The following LRRC4B variants were observed in gnomAD, a reference collection of about 807,000 sequenced individuals.
The protein encoded by LRRC4B is leucine-rich repeat-containing protein 4B.
In LRRC4B, 1 loss-of-function variant was observed where a neutral mutation model predicts 7.3. The ratio of observed to expected loss-of-function variants is 0.14; its 90% CI spans 0.05 to 0.65. LRRC4B has a LOEUF of 0.65. Ranked by LOEUF, LRRC4B falls within the 30% of genes least tolerant of loss-of-function variation. LRRC4B has a pLI of 0.84. For missense variants in LRRC4B, 730 were observed against 1,041.6 expected (o/e 0.70, Z 4.12); for synonymous variants, 500 against 499.2 (o/e 1.00, Z -0.02).
At position 50,527,827 on chromosome 19, in the gene LRRC4B, C is replaced by A. The variant is rs775422264; in HGVS notation, c.298-8412G>T. Among the ~76,000 whole-genome samples the A allele has an allele frequency of 3.3e-5, 5 of 151,218 alleles. No individual in the cohort carries two copies. The East Asian group carries it at 9.8e-4, about 30-fold the overall frequency. ...CACGATCTCAGCTCACTGCAAGCTC[C>A]GCCTTCTGGGTTCAAATGATTTTCC... On this transcript the variant is annotated intron_variant, in intron 2 of 2. Coordinates refer to ENST00000652263, the MANE Select transcript of LRRC4B (RefSeq NM_001080457.2).
chr19:50,517,372 G>T lies in LRRC4B; in HGVS notation c.*199C>A. ...GCGGGGGTGAGGCGAGGATCCCAGAGACTCCGCTCCTGGAGCCCCACCCTG... is the reference window on the plus strand; with the variant it reads ...GCGGGGGTGAGGCGAGGATCCCAGATACTCCGCTCCTGGAGCCCCACCCTG... On this transcript the variant is annotated 3_prime_UTR_variant, in exon 3 of 3. Transcript: ENST00000652263. The surrounding 1 kb of genome is among the most constrained non-coding windows in gnomAD (Gnocchi z 6.6). 1 of 417,190 alleles carries T rather than the reference G, an allele frequency of 2.4e-6. No homozygotes were observed. Among genetic ancestry groups the T allele is most frequent in the Non-Finnish European group, 4.1e-6 (1 of 244,986 alleles). The allele number at this position is 417,190 out of a possible 1,614,324, so 25.8% of individuals were successfully genotyped here. A position where few individuals can be genotyped will look rare whatever the true frequency, so the allele number is the denominator to read the frequency against.
intron 2 of LRRC4B, among the ~76,000 whole-genome samples, chr19:50,538,350 A>G (rs756340026): frequency 1.3e-5 from 2 of 152,156 alleles, no homozygotes; most frequent in Non-Finnish European, 2.9e-5. Flanking sequence ...GGCGCGAGCC[A>G]CCGCGCCCGG....
chr19:50,525,313 G>T (rs559751366), intron 2 of LRRC4B, among the ~76,000 whole-genome samples: 1 of 151,926 alleles, frequency 6.6e-6, no homozygotes, highest in Non-Finnish European at 1.5e-5. Context: ...CATTGTTATC[G>T]TTATCGTTGG....
intron 2 of LRRC4B, among the ~76,000 whole-genome samples, chr19:50,541,258 G>A (rs1448548873): frequency 6.6e-6 from 1 of 151,316 alleles, no homozygotes; most frequent in South Asian, 2.1e-4. Context: ...CCAGCTACTC[G>A]GGAGGCTGAG....
chr19:50,540,371 AT>A (rs1040758167), intron 2 of LRRC4B, among the ~76,000 whole-genome samples: 3 of 151,478 alleles, frequency 2.0e-5, no homozygotes, highest in Non-Finnish European at 2.9e-5. Flanking sequence ...TTACAAAAAA[AT>A]TTTTTTTTGA....
chr19:50,567,489 C>G (rs915520242), intron 1 of LRRC4B, among the ~76,000 whole-genome samples: 3 of 151,896 alleles, frequency 2.0e-5, no homozygotes, highest in Non-Finnish European at 2.9e-5. Flanking sequence ...GCCTCTCCCC[C>G]CTCCCCATCA....
chr19:50,552,676 C>CCATCCATCCATCCATCCATCCATT (rs1982132732), intron 1 of LRRC4B, among the ~76,000 whole-genome samples: 3 of 145,348 alleles, frequency 2.1e-5, no homozygotes, highest in African/African-American at 5.0e-5. Context: ...ATCCATCCAT[C>CCATCCATCCATCCATCCATCCATT]CATCCATCCA....
chr19:50,530,624 G>C (rs1182120396), intron 2 of LRRC4B, among the ~76,000 whole-genome samples: 1 of 152,176 alleles, frequency 6.6e-6, no homozygotes, highest in Non-Finnish European at 1.5e-5. Flanking sequence ...TCAGCCTTGC[G>C]AGCTGCTCTG....
chr19:50,551,825 G>A (rs563695499), intron 1 of LRRC4B, among the ~76,000 whole-genome samples: 7 of 151,468 alleles, frequency 4.6e-5, no homozygotes, highest in South Asian at 2.1e-4. Context: ...CTAGTCACAC[G>A]GCAGTGCAGA....
chr19:50,525,671 C>A (rs1168201562), intron 2 of LRRC4B, among the ~76,000 whole-genome samples: 1 of 151,420 alleles, frequency 6.6e-6, no homozygotes, highest in South Asian at 2.1e-4. Flanking sequence ...CTGCCCAACT[C>A]GGCCTCCCAA....
At chr19:50,530,005 G>A (rs1050191296) in intron 2 of LRRC4B, among the ~76,000 whole-genome samples, 3 of 128,372 alleles carry the variant, frequency 2.3e-5, no homozygotes, top group South Asian at 2.7e-4. Context: ...CATCCTCCCC[G>A]TCCAAAGCGG....
At chr19:50,532,484 A>T (rs776854180) in intron 2 of LRRC4B, among the ~76,000 whole-genome samples, 2 of 152,142 alleles carry the variant, frequency 1.3e-5, no homozygotes, top group Non-Finnish European at 2.9e-5. Flanking sequence ...AGAGAGATGC[A>T]TGGGGTTCCC....
At chr19:50,530,498 C>A (rs1044869596) in intron 2 of LRRC4B, among the ~76,000 whole-genome samples, 6 of 152,194 alleles carry the variant, frequency 3.9e-5, no homozygotes, top group Admixed American at 2.6e-4. Flanking sequence ...CCCTCTTGAA[C>A]CCAGCCCAAA....
intron 2 of LRRC4B, among the ~76,000 whole-genome samples, chr19:50,539,525 C>A (rs142636724): frequency 6.7e-6 from 1 of 149,024 alleles, no homozygotes; most frequent in African/African-American, 2.5e-5. Flanking sequence ...CCAGTATAGC[C>A]TTTTTTTTTT....
At chr19:50,546,724 G>A (rs1047367671) in intron 2 of LRRC4B, among the ~76,000 whole-genome samples, 2 of 152,130 alleles carry the variant, frequency 1.3e-5, no homozygotes, top group Admixed American at 6.6e-5. Flanking sequence ...GGACTGAATT[G>A]TTCACTGAGC....
intron 2 of LRRC4B, among the ~76,000 whole-genome samples, chr19:50,530,606 TCACAACG>T (rs1440522489): frequency 6.6e-6 from 1 of 152,166 alleles, no homozygotes; most frequent in African/African-American, 2.4e-5. Context: ...TGAAAGGACC[TCACAACG>T]TCAGCCTTGC....
In LRRC4B at chr19:50,552,014, G is replaced by GGGCAGCCGAGGA. The variant is rs770206704; in HGVS notation, c.-35-3153_-35-3142dup. On this transcript the variant is annotated intron_variant, in intron 1 of 2. Transcript: ENST00000652263. Reference sequence around the variant, plus strand: ...GTTATCTAATTAACCCATTGGTTCTGGGCAGCCGAGGAGGCAGCCGAGGAA... The same window carrying GGGCAGCCGAGGA: ...GTTATCTAATTAACCCATTGGTTCTGGGCAGCCGAGGAGGCAGCCGAGGAGGCAGCCGAGGAA... Among the ~76,000 whole-genome samples the GGGCAGCCGAGGA allele has an allele frequency of 1.1e-4, 16 of 152,152 alleles. No individual in the cohort carries two copies. The South Asian group carries it at 1.5e-3, about 14-fold the overall frequency.
Position 50,550,396 on chromosome 19 carries a change from C to T in LRRC4B, c.-35-1523G>A, listed in dbSNP as rs189260711. 8.8e-4 allele frequency among the ~76,000 whole-genome samples: 134 copies of T among 152,142 alleles called. 1 individual carries two copies. The highest frequency in any genetic ancestry group is 2.6e-3 in the African/African-American group (107 of 41,506). Reference sequence around the variant, plus strand: ...AGGAGGAGGGCAGGTCACACAAACACGCACACCGACCCACTCACACACTCA... The same window carrying T: ...AGGAGGAGGGCAGGTCACACAAACATGCACACCGACCCACTCACACACTCA... On this transcript the variant is annotated intron_variant, in intron 1 of 2. Transcript: ENST00000652263.
At chr19:50,521,332 T>TGG (rs1568716628) in intron 2 of LRRC4B, among the ~76,000 whole-genome samples, 19 of 152,070 alleles carry the variant, frequency 1.2e-4, no homozygotes, top group Non-Finnish European at 2.5e-4. Flanking sequence ...AGGTGCTACA[T>TGG]TGGCGTGGTG....
Sources: allele counts gnomAD v4.1 joint callset (sites outside exome capture counted in the v4.1 genomes callset), GRCh38; gene constraint gnomAD v4.1.1; non-coding constraint Gnocchi (gnomAD v3.1); transcripts MANE v1.5; gene names NCBI Gene and HGNC (gene_info 2026-07-23, HGNC 2026-07-21).